IQCM: variants seen among roughly 807,000 people sequenced by gnomAD.
The protein encoded by IQCM is IQ domain-containing protein M.
In IQCM, 45 loss-of-function variants were observed where a neutral mutation model predicts 57.6. The observed-to-expected ratio is 0.78, with a 90% confidence interval of 0.62 to 1.00. The LOEUF (loss-of-function observed/expected upper bound fraction) is 1.00, where lower values mean the gene tolerates loss of function less well. Among genes scored for constraint, IQCM ranks in the 50% least tolerant of loss-of-function variants. The probability of loss-of-function intolerance (pLI) is 0.00; values close to 1 mark genes in which losing one functional copy is unlikely to be tolerated. For missense variants in IQCM, 468 were observed against 511.6 expected, an observed-to-expected ratio of 0.91 and a Z score of 0.82; for synonymous variants, 148 against 158.9, an observed-to-expected ratio of 0.93 and a Z score of 0.51.
At chr4:149,771,809 CT>C (rs1226360945) in intron 2 of IQCM, among the ~76,000 whole-genome samples, 1 of 152,082 alleles carries the variant, frequency 6.6e-6, no homozygotes, top group African/African-American at 2.4e-5. Context: ...TGACAATATG[CT>C]TTTACTATCT....
At chr4:149,493,135 C>G (rs934735791) in intron 12 of IQCM, among the ~76,000 whole-genome samples, 2 of 152,124 alleles carry the variant, frequency 1.3e-5, no homozygotes, top group African/African-American at 4.8e-5. Context: ...ATGCAACTAA[C>G]TCATCCAGAA....
intron 13 of IQCM, among the ~76,000 whole-genome samples, chr4:149,355,325 GTTGGTGTACTGCACCCA>G (rs1208717668): frequency 6.6e-6 from 1 of 151,828 alleles, no homozygotes; most frequent in Non-Finnish European, 1.5e-5. Context: ...CATGTGCCAT[GTTGGTGTACTGCACCCA>G]TTAACTCATC....
chr4:149,497,629 C>A (rs769356061), intron 12 of IQCM, among the ~76,000 whole-genome samples: 37 of 151,932 alleles, frequency 2.4e-4, no homozygotes, highest in Admixed American at 2.4e-3. Flanking sequence ...CTGGGTCCCT[C>A]CCACAACACA....
At chr4:149,696,852 C>A (rs114238143) in intron 5 of IQCM, among the ~76,000 whole-genome samples, 1 of 152,200 alleles carries the variant, frequency 6.6e-6, no homozygotes, top group East Asian at 1.9e-4. Flanking sequence ...TGCATCATGG[C>A]TTCTCATCTT....
intron 8 of IQCM, among the ~76,000 whole-genome samples, chr4:149,600,707 G>T (rs1347040741): frequency 6.6e-6 from 1 of 152,248 alleles, no homozygotes; most frequent in African/African-American, 2.4e-5. Context: ...GGAGGACTCT[G>T]ATGGAGAATT....
At chr4:149,790,224 A>G (rs749931814) in intron 2 of IQCM, 14 of 299,608 alleles carry the variant, frequency 4.7e-5, no homozygotes, top group Non-Finnish European at 7.9e-5. Flanking sequence ...TTGCAGAACA[A>G]TAATGATGCA....
rs139370886 is a variant in IQCM at position 149,597,087 on chromosome 4, C to CA, written c.682-9091dup. 0.01 allele frequency among the ~76,000 whole-genome samples: 1,540 copies of CA among 151,060 alleles called. 86 individuals carry two copies. In the East Asian group the frequency reaches 0.19, roughly 18 times the overall value. Reference sequence around the variant, plus strand: ...TGTTTAGAGAAATATATTGAAGAAACAAAAAAAATTATCAAAATTGACTGA... The same window carrying CA: ...TGTTTAGAGAAATATATTGAAGAAACAAAAAAAAATTATCAAAATTGACTGA... On this transcript the variant is annotated intron_variant, in intron 8 of 13. Transcript: ENST00000636793.
intron 2 of IQCM, among the ~76,000 whole-genome samples, chr4:149,814,176 C>T (rs1042269685): frequency 1.3e-5 from 2 of 151,930 alleles, no homozygotes; most frequent in Admixed American, 6.6e-5. Flanking sequence ...GGCACACTAC[C>T]TAAACTTCTA....
At chr4:149,486,404 C>A (rs908212466) in intron 12 of IQCM, among the ~76,000 whole-genome samples, 12 of 152,176 alleles carry the variant, frequency 7.9e-5, no homozygotes, top group African/African-American at 2.9e-4. Flanking sequence ...AGAGGATCCT[C>A]TCCCTGTTGC....
rs576112430 is a variant in IQCM at position 149,389,512 on chromosome 4, G to T, written c.1391-37446C>A. Among the ~76,000 whole-genome samples, 12 of 151,650 alleles carry T rather than the reference G, an allele frequency of 7.9e-5. No individual in the cohort carries two copies. The East Asian group carries it at 1.9e-3, about 25-fold the overall frequency. ...AGAAAATGTGGCACATATACACCAT[G>T]GAATACTATGCAGCCATAAAAAATG... On this transcript the variant is annotated intron_variant, in intron 13 of 13. Coordinates refer to ENST00000636793, the MANE Select transcript of IQCM (RefSeq NM_001363507.2).
chr4:149,428,498 CAG>C (rs893896785), intron 13 of IQCM, among the ~76,000 whole-genome samples: 2 of 151,742 alleles, frequency 1.3e-5, no homozygotes, highest in Non-Finnish European at 2.9e-5. Flanking sequence ...TTTTAGAAAA[CAG>C]AGAGTCATAA....
chr4:149,602,215 G>A (rs1258198028), intron 8 of IQCM, among the ~76,000 whole-genome samples: 2 of 151,968 alleles, frequency 1.3e-5, no homozygotes, highest in East Asian at 3.9e-4. Context: ...GGGAGGGCTT[G>A]TACAGATTAT....
intron 9 of IQCM, among the ~76,000 whole-genome samples, chr4:149,581,418 C>T (rs1169339027): frequency 6.6e-6 from 1 of 151,494 alleles, no homozygotes; most frequent in African/African-American, 2.4e-5. Context: ...ATCTACAGGT[C>T]TATCTCCCTT....
chr4:149,432,422 T>A (rs1418656986), intron 13 of IQCM, among the ~76,000 whole-genome samples: 3 of 151,976 alleles, frequency 2.0e-5, no homozygotes, highest in Non-Finnish European at 4.4e-5. Flanking sequence ...AACAAATACC[T>A]CTGTTGGAAA....
chr4:149,675,937 A>T (rs1025329083), intron 7 of IQCM, among the ~76,000 whole-genome samples: 2 of 152,032 alleles, frequency 1.3e-5, no homozygotes, highest in African/African-American at 4.8e-5. Flanking sequence ...CTAAGCCCAG[A>T]GCTTTGAAGA....
At chr4:149,353,318 T>G (rs1322486332) in intron 13 of IQCM, among the ~76,000 whole-genome samples, 3 of 152,142 alleles carry the variant, frequency 2.0e-5, no homozygotes, top group Non-Finnish European at 4.4e-5. Context: ...AAGGAAACAC[T>G]TATACACTAT....
intron 3 of IQCM, among the ~76,000 whole-genome samples, chr4:149,742,049 T>A (rs1767507361): frequency 6.6e-6 from 1 of 151,716 alleles, no homozygotes; most frequent in African/African-American, 2.4e-5. Flanking sequence ...AAAGGTGAAA[T>A]TAATTTGTGT....
At chr4:149,588,618 C>T (rs1006927220) in intron 8 of IQCM, among the ~76,000 whole-genome samples, 7 of 151,480 alleles carry the variant, frequency 4.6e-5, no homozygotes, top group African/African-American at 1.2e-4. Flanking sequence ...CTTTATAAGA[C>T]GAGGAAAAGA....
chr4:149,514,895 C>G (rs1404485720), intron 12 of IQCM, among the ~76,000 whole-genome samples: 3 of 152,116 alleles, frequency 2.0e-5, no homozygotes, highest in Admixed American at 6.5e-5. Context: ...GGTTTAGCCT[C>G]CCAGCCAACA....
Sources: gnomAD v4.1 joint callset for allele counts (sites outside exome capture counted in the v4.1 genomes callset) on GRCh38, gnomAD v4.1.1 for gene constraint, MANE v1.5 for transcripts, NCBI Gene and HGNC (gene_info 2026-07-23, HGNC 2026-07-21) for gene names.